The following ZNF140 variants were observed in gnomAD, a reference collection of about 807,000 sequenced individuals.
The protein encoded by ZNF140 is zinc finger protein 140 (clone pHZ-39).
Under a neutral mutation model 12.9 loss-of-function variants are expected in ZNF140, and 13 were observed. The observed-to-expected ratio is 1.01, with a 90% CI of 0.66 to 1.60. The LOEUF (loss-of-function observed/expected upper bound fraction) is 1.60. Among genes scored for constraint, ZNF140 ranks in the 40% most tolerant of loss-of-function variants. The probability of loss-of-function intolerance (pLI) is 0.00; values close to 1 mark genes in which losing one functional copy is unlikely to be tolerated. For synonymous variants in ZNF140, 214 were observed against 186.7 expected, an observed-to-expected ratio of 1.15 and a Z score of -1.19; for missense variants, 531 against 548.8, an observed-to-expected ratio of 0.97 and a Z score of 0.32.
chr12:133,081,664 G>A, intron 2 of ZNF140: 1 of 435,480 alleles, frequency 2.3e-6, no homozygotes, highest in Non-Finnish European at 4.6e-6. Context: ...CTATCCAGAT[G>A]TGGGCGGGGT....
In ZNF140 at chr12:133,083,553, T is replaced by G. The variant is rs1593740679; in HGVS notation, c.224T>G (p.Leu75Arg). The change falls in exon 4 of 5, where the codon CTG becomes CGG. Residue 75 changes from leucine to arginine, a missense_variant. Physicochemically the swap from Leu to Arg is moderately radical, Grantham distance 102 (BLOSUM62 -2). Transcript: ENST00000355557. ...GGGAAAAGGGAAGTGAAAAGAGATC[T>G]GTTTTCAGGTGAGTGAGTTGGAAGC... ...WLGKREVKRD[L>R]FSVSESSGEI... 6.2e-7 allele frequency: 1 copy of G among 1,613,512 alleles called. No homozygotes were observed.
rs1234638500 is a variant in ZNF140 at position 133,106,703 on chromosome 12, TATA to T, written c.*55_*57del. ...ATGTATGGAATTTTTTAAAAAGAAG[TATA>T]ATGCCTTACTTCAGAGAACTCTTGG... On this transcript the variant is annotated 3_prime_UTR_variant, in exon 5 of 5. Coordinates refer to ENST00000355557, the MANE Select transcript of ZNF140 (RefSeq NM_003440.4). 2.8e-6 allele frequency: 4 copies of T among 1,443,382 alleles called. No individual in the cohort carries two copies. The African/African-American group carries it at 5.7e-5, about 21-fold the overall frequency. The allele number at this position is 1,443,382 out of a possible 1,614,324, so 89.4% of individuals were successfully genotyped here.
intron 4 of ZNF140, among the ~76,000 whole-genome samples, chr12:133,092,563 GACC>G (rs1435110552): frequency 6.6e-6 from 1 of 151,284 alleles, no homozygotes; most frequent in Non-Finnish European, 1.5e-5. Context: ...TGTGGTAGGA[GACC>G]ACAGTGAGCT....
chr12:133,081,373 A>ATATATATATATATATATATATT (rs1481354616), intron 2 of ZNF140, 44 bp downstream of exon 2: 2 of 223,824 alleles, frequency 8.9e-6, no homozygotes, highest in African/African-American at 5.7e-5. Flanking sequence ...ATATATATAA[A>ATATATATATATATATATATATT]TTTTTATTTT....
chr12:133,105,690 G>A lies in ZNF140; in HGVS notation c.413G>A (p.Arg138Lys), dbSNP rs1223514380. 3.0e-5 allele frequency: 48 copies of A among 1,614,038 alleles called. No homozygotes were observed. Among genetic ancestry groups the A allele is most frequent in the Non-Finnish European group, 3.3e-5 (39 of 1,180,036 alleles). ...EMLQENQGCI[R>K]KVTVSHQEAL... ...CTGCAAGAAAATCAGGGATGTATTA[G>A]GAAAGTAACAGTCTCTCATCAAGAA... Residue 138 changes from arginine to lysine, a missense_variant, in exon 5 of 5, where the codon AGG becomes AAG. By Grantham distance (26) the Arg-to-Lys change is conservative (BLOSUM62 2). Transcript: ENST00000355557.
At chr12:133,080,657 A>C (rs1463414198), upstream of ZNF140, 1 of 152,342 alleles carries the variant, frequency 6.6e-6, no homozygotes, top group East Asian at 1.9e-4. Flanking sequence ...GATAGCCCCT[A>C]TGCTCTGGCG....
At chr12:133,102,824 T>C (rs1470125487) in intron 4 of ZNF140, among the ~76,000 whole-genome samples, 1 of 151,974 alleles carries the variant, frequency 6.6e-6, no homozygotes, top group Non-Finnish European at 1.5e-5. Flanking sequence ...TCAAATCCAT[T>C]TGGCATCTAC....
At chr12:133,091,071 G>A (rs1954859887) in intron 4 of ZNF140, among the ~76,000 whole-genome samples, 1 of 149,106 alleles carries the variant, frequency 6.7e-6, no homozygotes, top group Non-Finnish European at 1.5e-5. Flanking sequence ...AACTGCAAGA[G>A]GCTTTCCTCT....
intron 4 of ZNF140, among the ~76,000 whole-genome samples, chr12:133,099,179 A>G (rs1250307969): frequency 8.0e-6 from 1 of 125,344 alleles, no homozygotes; most frequent in Non-Finnish European, 1.7e-5. Flanking sequence ...CCAGCCTTGT[A>G]TTTTATTTTT....
At chr12:133,101,692 C>T (rs1955356199) in intron 4 of ZNF140, among the ~76,000 whole-genome samples, 1 of 152,172 alleles carries the variant, frequency 6.6e-6, no homozygotes, top group African/African-American at 2.4e-5. Flanking sequence ...ATCTGCCAGC[C>T]TCCACCTCCC....
At position 133,081,691 on chromosome 12, in the gene ZNF140, A is replaced by G. The variant is rs2137474390; in HGVS notation, c.9+362A>G. ...GGGCGGGGTTTCTGACCTGGCTGGC[A>G]TGTTTTAGGGTGAGAGGGTAGGGTG... On this transcript the variant is annotated intron_variant, in intron 2 of 4. Coordinates refer to ENST00000355557, the MANE Select transcript of ZNF140 (RefSeq NM_003440.4). The G allele has an allele frequency of 7.3e-6, 3 of 411,612 alleles. No individual in the cohort carries two copies. In the Admixed American group the frequency reaches 8.0e-5, roughly 11 times the overall value. 25.5% of individuals were successfully genotyped at this position (411,612 alleles called of 1,614,324 possible).
intron 4 of ZNF140, among the ~76,000 whole-genome samples, chr12:133,104,845 A>G (rs1051698256): frequency 2.6e-5 from 4 of 152,190 alleles, no homozygotes; most frequent in Admixed American, 1.3e-4. Flanking sequence ...CTCATGTTAC[A>G]TGAGCAAATT....
chr12:133,105,085 A>AT (rs1204195080), intron 4 of ZNF140, among the ~76,000 whole-genome samples: 1 of 152,162 alleles, frequency 6.6e-6, no homozygotes, highest in Non-Finnish European at 1.5e-5. Context: ...TTAGATTATT[A>AT]TAAGATGTTC....
At chr12:133,081,362 T>TATATAC in intron 2 of ZNF140, 33 bp downstream of exon 2, 2 of 271,140 alleles carry the variant, frequency 7.4e-6, no homozygotes, top group Admixed American at 6.4e-5. Context: ...TATATATATA[T>TATATAC]ATATATATAA....
chr12:133,102,394 G>C (rs1955379490), intron 4 of ZNF140, among the ~76,000 whole-genome samples: 1 of 152,174 alleles, frequency 6.6e-6, no homozygotes, highest in East Asian at 1.9e-4. Flanking sequence ...AAATTTCCTT[G>C]GAGTATATTA....
At chr12:133,087,842 A>G (rs2137501067) in intron 4 of ZNF140, among the ~76,000 whole-genome samples, 1 of 152,330 alleles carries the variant, frequency 6.6e-6, no homozygotes, top group Middle Eastern at 3.4e-3. Context: ...TATTATACAA[A>G]TAATACGGCT....
chr12:133,095,739 A>C (rs371978583), intron 4 of ZNF140, among the ~76,000 whole-genome samples: 16 of 150,872 alleles, frequency 1.1e-4, no homozygotes, highest in South Asian at 8.4e-4. Context: ...ATGTGAGCAA[A>C]AGAATCTATG....
At chr12:133,093,379 A>T in intron 4 of ZNF140, 1 of 692,242 alleles carries the variant, frequency 1.4e-6, no homozygotes, top group Non-Finnish European at 2.6e-6. Flanking sequence ...CAAGCAGCAT[A>T]TTCTCTGGAG....
At chr12:133,104,154 T>C (rs1381514808) in intron 4 of ZNF140, among the ~76,000 whole-genome samples, 2 of 152,206 alleles carry the variant, frequency 1.3e-5, no homozygotes, top group East Asian at 1.9e-4. Context: ...TTAGATGTTA[T>C]TGGGAATTTT....
Sources: gnomAD v4.1 joint callset for allele counts (sites outside exome capture counted in the v4.1 genomes callset) on GRCh38, gnomAD v4.1.1 for gene constraint, MANE v1.5 for transcripts, NCBI Gene and HGNC (gene_info 2026-07-23, HGNC 2026-07-21) for gene names.